Variants in MEI1 observed in about 807,000 individuals in gnomAD.
The protein encoded by MEI1 is meiotic double-stranded break formation protein 1, also known as meiosis inhibitor protein 1.
A neutral mutation model predicts 146.2 loss-of-function variants in MEI1; 103 were observed. That is an observed-to-expected ratio of 0.70 (90% CI 0.60 to 0.83). The LOEUF is 0.83. MEI1 is among the 40% of genes least tolerant of loss of function. The pLI, the probability that MEI1 is intolerant of heterozygous loss-of-function variation, is 0.00. For synonymous variants in MEI1, 652 were observed against 628.2 expected (o/e 1.04, Z -0.57); for missense variants, 1,529 against 1,533.0 (o/e 1.00, Z 0.04).
chr22:41,700,672 T>C (rs1175710677), intron 1 of MEI1, among the ~76,000 whole-genome samples: 2 of 151,948 alleles, frequency 1.3e-5, no homozygotes, highest in African/African-American at 4.8e-5. Flanking sequence ...CAAGAAGACT[T>C]TGGGAGGTCA....
rs1189537277 is a variant in MEI1 at position 41,743,120 on chromosome 22, C to A, written c.1372C>A (p.Leu458Met). The A allele has an allele frequency of 6.2e-7, 1 of 1,613,234 alleles. No homozygotes were observed. The highest frequency in any genetic ancestry group is 8.5e-7 in the Non-Finnish European group (1 of 1,179,810). ...QSTPPVQYGELQALLEAMLNR... is the reference protein window; with the variant it reads ...QSTPPVQYGEMQALLEAMLNR... ...CACTCCACCTGTGCAGTATGGGGAA[C>A]TGCAGGCTTTGCTAGAAGCCATGCT... Residue 458 changes from leucine (L) to methionine (M), a missense_variant, in exon 12 of 31, where the codon CTG becomes ATG. Leu to Met is a conservative substitution (Grantham distance 15). Coordinates refer to ENST00000401548, the MANE Select transcript of MEI1 (RefSeq NM_152513.4).
At chr22:41,700,421 C>G (rs2068613687) in intron 1 of MEI1, among the ~76,000 whole-genome samples, 2 of 152,240 alleles carry the variant, frequency 1.3e-5, no homozygotes, top group African/African-American at 4.8e-5. Flanking sequence ...ACCTCTGTTT[C>G]CTGGGTTCAA....
intron 14 of MEI1, 167 bp downstream of exon 14, chr22:41,746,193 G>T (rs1448491579): frequency 1.9e-6 from 1 of 538,168 alleles, no homozygotes; most frequent in Non-Finnish European, 3.0e-6. Flanking sequence ...ATAAAATGTA[G>T]TGTTTGATTA....
intron 19 of MEI1, among the ~76,000 whole-genome samples, chr22:41,768,012 G>T (rs1364658351): frequency 6.6e-6 from 1 of 152,222 alleles, no homozygotes; most frequent in East Asian, 1.9e-4. Context: ...AGCTTAATGT[G>T]CCTTAGCTAA....
At chr22:41,714,218 G>A (rs2069879538) in intron 4 of MEI1, 143 bp downstream of exon 4, 1 of 722,104 alleles carries the variant, frequency 1.4e-6, no homozygotes, top group East Asian at 2.7e-5. Flanking sequence ...CAGAGTCAGA[G>A]CTAAGGCCTG....
intron 17 of MEI1, among the ~76,000 whole-genome samples, chr22:41,754,934 TTAGA>T (rs1372851068): frequency 7.9e-5 from 12 of 151,978 alleles, no homozygotes; most frequent in South Asian, 4.2e-4. Flanking sequence ...GAGAGACATG[TTAGA>T]TAGGGTGGTC....
rs761729772 is a variant in MEI1, at chr22:41,776,118, GC to G, written c.2564del (p.Pro855GlnfsTer9). 2 of 1,613,724 alleles carry G rather than the reference GC, an allele frequency of 1.2e-6. No homozygotes were observed. Among genetic ancestry groups the G allele is most frequent in the African/African-American group, 2.7e-5 (2 of 74,862 alleles). On this transcript the variant is annotated frameshift_variant, in exon 21 of 31. Transcript: ENST00000401548. LOFTEE classifies it high-confidence loss of function. ...CCTGCTCAGGACCTCATCTATTCCA[GC>G]CCAGTGGACACAGCTCACAAGGTAC... ...LLILLDLIYSSPVDTAHKVLI... is the reference protein window; with the variant it reads ...LLILLDLIYSXPVDTAHKVLI...
In MEI1 at chr22:41,703,455, G is replaced by A; in HGVS notation, c.298+1G>A. ...ATCCACTTCATAAGTGTGCTTTTTG[G>A]TAAGATTAAGAGGGAAATTTGACAT... On this transcript the variant is annotated splice_donor_variant, in intron 2 of 30. Coordinates refer to ENST00000401548, the MANE Select transcript of MEI1 (RefSeq NM_152513.4). LOFTEE classifies it high-confidence loss of function. The A allele has an allele frequency of 6.4e-7, 1 of 1,572,322 alleles. No individual in the cohort carries two copies. Among genetic ancestry groups the A allele is most frequent in the Non-Finnish European group, 8.6e-7 (1 of 1,158,232 alleles).
At chr22:41,754,135 A>G in intron 17 of MEI1, 89 bp downstream of exon 17, 2 of 962,376 alleles carry the variant, frequency 2.1e-6, no homozygotes, top group East Asian at 4.8e-5. Context: ...GTGAGTTAGT[A>G]CAGCCACGAG....
At chr22:41,713,621 T>C (rs867586948) in intron 3 of MEI1, among the ~76,000 whole-genome samples, 3 of 152,338 alleles carry the variant, frequency 2.0e-5, no homozygotes, top group Middle Eastern at 6.8e-3. Context: ...CGATCTTGGC[T>C]CACTACAACC....
intron 20 of MEI1, chr22:41,774,536 C>T (rs1364446973): frequency 4.6e-5 from 7 of 152,192 alleles, no homozygotes; most frequent in Admixed American, 4.6e-4. Flanking sequence ...TCTAGCCCTC[C>T]CATTCTGTGA....
At chr22:41,756,027 G>T (rs976099019) in intron 17 of MEI1, among the ~76,000 whole-genome samples, 2 of 152,146 alleles carry the variant, frequency 1.3e-5, no homozygotes, top group Non-Finnish European at 2.9e-5. Flanking sequence ...CTGGCTTTCA[G>T]CTGTGGTCTC....
intron 11 of MEI1, among the ~76,000 whole-genome samples, chr22:41,734,383 A>G (rs1001299860): frequency 6.6e-5 from 10 of 151,844 alleles, no homozygotes; most frequent in Admixed American, 2.0e-4. Flanking sequence ...ACCTGAAGTC[A>G]GGAGTTCAAG....
intron 12 of MEI1, among the ~76,000 whole-genome samples, chr22:41,744,699 C>T (rs62236776): frequency 6.1e-5 from 2 of 32,870 alleles, no homozygotes; most frequent in Non-Finnish European, 1.1e-4. Flanking sequence ...GGGGTTTCAC[C>T]GTTTTAGCCG....
At chr22:41,798,186 G>A (rs956996201) in intron 30 of MEI1, among the ~76,000 whole-genome samples, 4 of 149,636 alleles carry the variant, frequency 2.7e-5, no homozygotes, top group African/African-American at 9.9e-5. Context: ...GTGTGTCTCT[G>A]TGACTGCCAT....
chr22:41,776,272 G>A lies in MEI1; in HGVS notation c.2710+5G>A. On this transcript the variant is annotated splice_donor_5th_base_variant and intron_variant, in intron 21 of 30. Transcript: ENST00000401548. ...ATGGGGCATCCCCATCAGGAGGTCA[G>A]TCTGCAGGTGCTGTGGGCACACTTT... The A allele has an allele frequency of 3.1e-6, 5 of 1,613,020 alleles. No individual in the cohort carries two copies. Among genetic ancestry groups the A allele is most frequent in the South Asian group, 1.1e-5 (1 of 91,034 alleles).
intron 3 of MEI1, among the ~76,000 whole-genome samples, chr22:41,713,311 T>C (rs1483923730): frequency 6.6e-6 from 1 of 151,974 alleles, no homozygotes; most frequent in African/African-American, 2.4e-5. Context: ...TACAAAAAAA[T>C]TAAAAAATTA....
At chr22:41,718,978 TC>T (rs1319879844) in intron 6 of MEI1, among the ~76,000 whole-genome samples, 7 of 146,118 alleles carry the variant, frequency 4.8e-5, no homozygotes, top group South Asian at 2.1e-4. Context: ...TTCAAGTGAT[TC>T]TTTTTTTTTT....
chr22:41,707,741 CAA>C (rs1366065216), intron 3 of MEI1, among the ~76,000 whole-genome samples: 1 of 152,132 alleles, frequency 6.6e-6, no homozygotes, highest in Non-Finnish European at 1.5e-5. Flanking sequence ...CCATAGGAAA[CAA>C]AAAGGAAGGA....
Sources: gnomAD v4.1 joint callset for allele counts (sites outside exome capture counted in the v4.1 genomes callset) on GRCh38, gnomAD v4.1.1 for gene constraint, MANE v1.5 for transcripts, NCBI Gene and HGNC (gene_info 2026-07-23, HGNC 2026-07-21) for gene names.